Variants in PTPRN2 observed in about 807,000 individuals in gnomAD.
The protein encoded by PTPRN2 is protein tyrosine phosphatase receptor type N2, also known as receptor-type tyrosine-protein phosphatase N2.
A neutral mutation model predicts 118.8 loss-of-function variants in PTPRN2; 74 were observed. That is an observed-to-expected ratio of 0.62 (90% CI 0.52 to 0.76). The LOEUF is 0.76. Among genes scored for constraint, PTPRN2 ranks in the 30% least tolerant of loss-of-function variants. The probability of loss-of-function intolerance (pLI) is 0.00; values close to 1 mark genes in which losing one functional copy is unlikely to be tolerated. For synonymous variants in PTPRN2, 641 were observed against 608.0 expected (o/e 1.05, Z -0.80); for missense variants, 1,481 against 1,394.4 (o/e 1.06, Z -0.99).
intron 11 of PTPRN2, among the ~76,000 whole-genome samples, chr7:157,940,251 A>G (rs989389292): frequency 1.3e-5 from 2 of 152,200 alleles, no homozygotes; most frequent in East Asian, 1.9e-4. Flanking sequence ...GCCTCAGTGC[A>G]GATTCTTTTC....
At position 157,785,657 on chromosome 7, in the gene PTPRN2, G is replaced by A. The variant is rs75099065; in HGVS notation, c.1789-102720C>T. Among the ~76,000 whole-genome samples the A allele has an allele frequency of 0.011, 1,641 of 152,270 alleles. 39 individuals carry two copies. The highest frequency in any genetic ancestry group is 0.037 in the African/African-American group (1,550 of 41,540). On this transcript the variant is annotated intron_variant, in intron 12 of 22. Transcript: ENST00000389418. This position sits in a 1 kb window ranked among gnomAD's most constrained non-coding sequence, Gnocchi z 7.3. ...CAGACGGTGGGCAGAGGGCAGAGAC[G>A]GAGACCGTGGGCACAGCACACCAAG... is the stretch of plus-strand genomic sequence containing the variant.
intron 12 of PTPRN2, among the ~76,000 whole-genome samples, chr7:157,871,551 A>C (rs1811048917): frequency 6.6e-6 from 1 of 151,910 alleles, no homozygotes; most frequent in South Asian, 2.1e-4. Flanking sequence ...ATTGGCCGAC[A>C]CCACCCCAGG....
Position 157,936,859 on chromosome 7 carries a change from G to A in PTPRN2, c.1724-38122C>T, listed in dbSNP as rs570950608. ...AGGGAGTGTATGAGGCCATCCTTTC[G>A]GTCATTCATGCCATTTTCCCACCTC... On this transcript the variant is annotated intron_variant, in intron 11 of 22. Transcript: ENST00000389418. 2.6e-4 allele frequency among the ~76,000 whole-genome samples: 40 copies of A among 152,238 alleles called. 1 individual carries two copies. Among genetic ancestry groups the A allele is most frequent in the African/African-American group, 9.1e-4 (38 of 41,532 alleles).
intron 1 of PTPRN2, among the ~76,000 whole-genome samples, chr7:158,514,927 C>G (rs1171354395): frequency 6.6e-6 from 1 of 152,146 alleles, no homozygotes; most frequent in Non-Finnish European, 1.5e-5. Flanking sequence ...GGGGCATCAT[C>G]ATGAGGCCTC....
Position 157,596,392 on chromosome 7 carries a change from G to A in PTPRN2, c.2419-1077C>T, listed in dbSNP as rs561337593. On this transcript the variant is annotated intron_variant, in intron 16 of 22. Coordinates refer to ENST00000389418, the MANE Select transcript of PTPRN2 (RefSeq NM_002847.5). This position sits in a 1 kb window ranked among gnomAD's most constrained non-coding sequence, Gnocchi z 4.2. The stretch of plus-strand genomic sequence containing the variant: ...CAAAGAGGGCAGGTGTGGGCTCTCC[G>A]GCTCCCCAGTTTGTCCGAACGCATC... 5.9e-5 allele frequency among the ~76,000 whole-genome samples: 9 copies of A among 152,316 alleles called. No homozygotes were observed. Among genetic ancestry groups the A allele is most frequent in the African/African-American group, 1.7e-4 (7 of 41,564 alleles).
At position 157,571,519 on chromosome 7, in the gene PTPRN2, T is replaced by G. The variant is rs1032762772; in HGVS notation, c.2784-26A>C. 2.6e-6 allele frequency: 4 copies of G among 1,563,208 alleles called. No homozygotes were observed. The South Asian group carries it at 4.5e-5, about 18-fold the overall frequency. On this transcript the variant is annotated intron_variant, in intron 19 of 22. Coordinates refer to ENST00000389418, the MANE Select transcript of PTPRN2 (RefSeq NM_002847.5). ...CTGAAATAAAAAGAGATATAAAAATTATCGTTGTGTACTAAGACTTTGCGT... is the reference window on the plus strand; with the variant it reads ...CTGAAATAAAAAGAGATATAAAAATGATCGTTGTGTACTAAGACTTTGCGT...
At chr7:158,026,596 A>G (rs2128879374) in intron 11 of PTPRN2, among the ~76,000 whole-genome samples, 1 of 152,320 alleles carries the variant, frequency 6.6e-6, no homozygotes, top group Non-Finnish European at 1.5e-5. Context: ...AACTTTTACC[A>G]ATTAAAGACA....
At chr7:157,832,541 C>T (rs1807634068) in intron 12 of PTPRN2, among the ~76,000 whole-genome samples, 1 of 152,152 alleles carries the variant, frequency 6.6e-6, no homozygotes, top group African/African-American at 2.4e-5. Context: ...CACTGAAGCT[C>T]CCTTCAAACC....
chr7:157,574,513 T>TGAGAGAGA (rs60406378), intron 19 of PTPRN2: 32 of 283,504 alleles, frequency 1.1e-4, no homozygotes, highest in African/African-American at 5.3e-4. Context: ...AGAGTAATAA[T>TGAGAGAGA]GAGAGAGAGA....
intron 12 of PTPRN2, among the ~76,000 whole-genome samples, chr7:157,888,421 C>A (rs909583293): frequency 2.0e-5 from 3 of 152,186 alleles, no homozygotes; most frequent in African/African-American, 7.2e-5. Flanking sequence ...TCGCTCCATT[C>A]TGACAAACCT....
chr7:158,268,061 G>C (rs138084526), intron 3 of PTPRN2, among the ~76,000 whole-genome samples: 45 of 152,290 alleles, frequency 3.0e-4, no homozygotes, highest in African/African-American at 9.6e-4. Context: ...CAGCCCATTT[G>C]AGCGCTCTTC....
chr7:158,150,097 G>A (rs1366851629), intron 6 of PTPRN2, among the ~76,000 whole-genome samples: 1 of 152,206 alleles, frequency 6.6e-6, no homozygotes, highest in Non-Finnish European at 1.5e-5. Context: ...GGGGCAGAAG[G>A]CTGCCGTGGG....
At chr7:157,829,627 C>T (rs148407575) in intron 12 of PTPRN2, among the ~76,000 whole-genome samples, 199 of 152,316 alleles carry the variant, frequency 1.3e-3, no homozygotes, top group East Asian at 1.3e-3. Flanking sequence ...AGGCGGAAGG[C>T]GCCACACTGT....
At chr7:157,848,913 G>C (rs768677357) in intron 12 of PTPRN2, among the ~76,000 whole-genome samples, 1 of 152,232 alleles carries the variant, frequency 6.6e-6, no homozygotes, top group Non-Finnish European at 1.5e-5. Context: ...TCACTTGGCC[G>C]CTGCCACCCT....
At chr7:158,327,498 A>C (rs569967109) in intron 2 of PTPRN2, among the ~76,000 whole-genome samples, 129 of 151,746 alleles carry the variant, frequency 8.5e-4, no homozygotes, top group African/African-American at 3.1e-3. Flanking sequence ...CACATGCACA[A>C]GTTCTCACAC....
intron 6 of PTPRN2, among the ~76,000 whole-genome samples, chr7:158,164,945 G>T (rs141032570): frequency 7.8e-4 from 116 of 149,194 alleles, no homozygotes; most frequent in African/African-American, 2.6e-3. Context: ...AGGAAGCTCG[G>T]CAGCTACACG....
chr7:157,703,868 C>T (rs1798200358), intron 12 of PTPRN2, among the ~76,000 whole-genome samples: 1 of 152,136 alleles, frequency 6.6e-6, no homozygotes, highest in African/African-American at 2.4e-5. Flanking sequence ...TCTCCCCTGC[C>T]CTCCACTTTC....
chr7:157,603,918 C>A lies in PTPRN2; in HGVS notation c.2418+84G>T. 7.5e-7 allele frequency: 1 copy of A among 1,334,580 alleles called. No homozygotes were observed. The highest frequency in any genetic ancestry group is 1.2e-5 in the South Asian group (1 of 82,368). The allele number at this position is 1,334,580 out of a possible 1,614,324, so 82.7% of individuals were successfully genotyped here. On this transcript the variant is annotated intron_variant, in intron 16 of 22. Coordinates refer to ENST00000389418, the MANE Select transcript of PTPRN2 (RefSeq NM_002847.5). The surrounding 1 kb of genome is among the most constrained non-coding windows in gnomAD (Gnocchi z 5.4). ...GCTGAGCTGGGTGGGGACGTGATTTCCCCCGAGAACCTTCCCACGTGATTT... is the reference window on the plus strand; with the variant it reads ...GCTGAGCTGGGTGGGGACGTGATTTACCCCGAGAACCTTCCCACGTGATTT...
chr7:157,863,092 C>A (rs1246919876), intron 12 of PTPRN2: 5 of 152,276 alleles, frequency 3.3e-5, no homozygotes, highest in African/African-American at 1.2e-4. Flanking sequence ...CCTGGACACA[C>A]CTGGGGATTC....
Sources: gnomAD v4.1 joint callset for allele counts (sites outside exome capture counted in the v4.1 genomes callset) on GRCh38, gnomAD v4.1.1 for gene constraint, Gnocchi (gnomAD v3.1) non-coding constraint, MANE v1.5 for transcripts, NCBI Gene and HGNC (gene_info 2026-07-23, HGNC 2026-07-21) for gene names.